The following CDH12 variants were observed in gnomAD, a reference collection of about 807,000 sequenced individuals.
CDH12 encodes cadherin-12.
CDH12 carries 41 observed loss-of-function variants against 74.1 expected under a neutral mutation model. The ratio of observed to expected loss-of-function variants is 0.55; its 90% CI spans 0.43 to 0.72. The LOEUF is 0.72. Ranked by LOEUF, CDH12 falls within the 30% of genes least tolerant of loss-of-function variation. CDH12 has a pLI of 0.00. For missense variants in CDH12, 945 were observed against 977.2 expected, an observed-to-expected ratio of 0.97 and a Z score of 0.44; for synonymous variants, 399 against 355.0, an observed-to-expected ratio of 1.12 and a Z score of -1.39.
intron 5 of CDH12, among the ~76,000 whole-genome samples, chr5:22,003,559 G>A (rs1340186881): frequency 1.3e-5 from 2 of 152,120 alleles, no homozygotes; most frequent in African/African-American, 4.8e-5. Flanking sequence ...CATTGGCAGT[G>A]GGCCGTCCTC....
chr5:22,356,788 A>G (rs1489504533), intron 3 of CDH12, among the ~76,000 whole-genome samples: 2 of 152,130 alleles, frequency 1.3e-5, no homozygotes, highest in East Asian at 3.9e-4. Context: ...CAAGGACCAA[A>G]TGATTCTCTT....
chr5:22,283,235 TATATATATATATATATACACACACACAC>T (rs1561281661), intron 3 of CDH12, among the ~76,000 whole-genome samples: 7 of 75,760 alleles, frequency 9.2e-5, no homozygotes, highest in Non-Finnish European at 1.6e-4. Context: ...TATATATATA[TATATATATATATATATACACACACACAC>T]ACACACACAC....
intron 6 of CDH12, among the ~76,000 whole-genome samples, chr5:21,943,615 A>G (rs1755439009): frequency 6.6e-6 from 1 of 152,204 alleles, no homozygotes; most frequent in Non-Finnish European, 1.5e-5. Flanking sequence ...TGTAGGAAAT[A>G]AGAATGGATT....
chr5:22,793,069 T>C (rs1353486940), intron 1 of CDH12, among the ~76,000 whole-genome samples: 1 of 152,180 alleles, frequency 6.6e-6, no homozygotes, highest in Non-Finnish European at 1.5e-5. Flanking sequence ...ACTTCTTCAA[T>C]CTAGTTACTA....
intron 5 of CDH12, among the ~76,000 whole-genome samples, chr5:22,011,038 A>T (rs1334137351): frequency 6.6e-6 from 1 of 152,074 alleles, no homozygotes; most frequent in African/African-American, 2.4e-5. Context: ...TTAGTGTAGG[A>T]TTTGCAATTA....
At chr5:22,725,597 T>A (rs1484375517) in intron 1 of CDH12, among the ~76,000 whole-genome samples, 5 of 151,368 alleles carry the variant, frequency 3.3e-5, no homozygotes, top group Middle Eastern at 3.2e-3. Context: ...CAAGCCATTT[T>A]TTTTTATATA....
intron 5 of CDH12, among the ~76,000 whole-genome samples, chr5:21,997,013 TTAA>T (rs1736339763): frequency 6.6e-6 from 1 of 152,184 alleles, no homozygotes; most frequent in Non-Finnish European, 1.5e-5. Flanking sequence ...AATAATGACA[TTAA>T]TATTTTCTAT....
intron 1 of CDH12, among the ~76,000 whole-genome samples, chr5:22,844,915 AGAGTT>A (rs1244609591): frequency 6.6e-6 from 1 of 152,146 alleles, no homozygotes; most frequent in Non-Finnish European, 1.5e-5. Context: ...GACAGTGCAT[AGAGTT>A]GAGTCCAGGT....
At chr5:22,081,046 T>A (rs1465697700) in intron 4 of CDH12, among the ~76,000 whole-genome samples, 2 of 152,202 alleles carry the variant, frequency 1.3e-5, no homozygotes, top group Non-Finnish European at 2.9e-5. Flanking sequence ...CCCAACGTGC[T>A]GGGATTACAG....
intron 6 of CDH12, among the ~76,000 whole-genome samples, chr5:21,896,591 C>T (rs1753133619): frequency 6.6e-6 from 1 of 152,134 alleles, no homozygotes; most frequent in African/African-American, 2.4e-5. Flanking sequence ...TGTCCAATGG[C>T]TAATTCAAGG....
At chr5:22,711,899 A>C (rs963641823) in intron 1 of CDH12, among the ~76,000 whole-genome samples, 2 of 152,122 alleles carry the variant, frequency 1.3e-5, no homozygotes, top group South Asian at 4.1e-4. Context: ...TAATGTATCC[A>C]AGCCTTAAAG....
intron 3 of CDH12, among the ~76,000 whole-genome samples, chr5:22,300,952 C>A (rs1007557200): frequency 6.6e-6 from 1 of 152,032 alleles, no homozygotes; most frequent in Non-Finnish European, 1.5e-5. Flanking sequence ...TTCTATGACC[C>A]AAGTATAAAA....
chr5:22,691,192 A>G (rs1463812920), intron 1 of CDH12, among the ~76,000 whole-genome samples: 2 of 152,190 alleles, frequency 1.3e-5, no homozygotes, highest in East Asian at 3.9e-4. Context: ...CTATACATGT[A>G]TTTCTTGCAT....
intron 1 of CDH12, among the ~76,000 whole-genome samples, chr5:22,615,311 AC>A (rs1250575052): frequency 6.6e-6 from 1 of 152,028 alleles, no homozygotes; most frequent in Non-Finnish European, 1.5e-5. Flanking sequence ...AACCATTATT[AC>A]TCACTGAAAT....
Position 22,105,524 on chromosome 5 carries a change from C to T in CDH12, c.-186-26662G>A, listed in dbSNP as rs188207368. 1.8e-3 allele frequency among the ~76,000 whole-genome samples: 265 copies of T among 151,160 alleles called. 3 individuals are homozygous for T. The highest frequency in any genetic ancestry group is 6.3e-3 in the African/African-American group (260 of 41,392). ...ACCAGCCTGGCCTACATGGTGAAAC[C>T]CTGTCTCTACTAAAAATACAAAACT... On this transcript the variant is annotated intron_variant, in intron 4 of 14. Coordinates refer to ENST00000382254, the MANE Select transcript of CDH12 (RefSeq NM_004061.5).
intron 1 of CDH12, among the ~76,000 whole-genome samples, chr5:22,714,392 A>G (rs1486072246): frequency 1.3e-5 from 2 of 152,190 alleles, no homozygotes; most frequent in Non-Finnish European, 2.9e-5. Context: ...CCATGGAGCT[A>G]GTATAACTCT....
At chr5:22,275,097 G>A (rs1284254680) in intron 3 of CDH12, among the ~76,000 whole-genome samples, 1 of 152,090 alleles carries the variant, frequency 6.6e-6, no homozygotes, top group Admixed American at 6.5e-5. Flanking sequence ...AGGACACAGA[G>A]AGGGGAACAT....
intron 8 of CDH12, among the ~76,000 whole-genome samples, chr5:21,824,018 TA>T (rs1748519943): frequency 6.6e-6 from 1 of 152,138 alleles, no homozygotes; most frequent in African/African-American, 2.4e-5. Flanking sequence ...ACTTTAATTC[TA>T]AAAACATAGA....
At chr5:22,262,378 T>C (rs1040391821) in intron 3 of CDH12, among the ~76,000 whole-genome samples, 17 of 151,610 alleles carry the variant, frequency 1.1e-4, no homozygotes, top group African/African-American at 3.9e-4. Context: ...GTTTGGTTTT[T>C]TGTTCTTGAG....
Sources: gnomAD v4.1 joint callset for allele counts (sites outside exome capture counted in the v4.1 genomes callset) on GRCh38, gnomAD v4.1.1 for gene constraint, MANE v1.5 for transcripts, NCBI Gene and HGNC (gene_info 2026-07-23, HGNC 2026-07-21) for gene names.